Variants in LSS observed in about 807,000 individuals in gnomAD.
LSS encodes the protein lanosterol synthase.
In LSS, 90 loss-of-function variants were observed where a neutral mutation model predicts 110.3. The observed-to-expected ratio is 0.82, with a 90% CI of 0.69 to 0.97. The LOEUF (loss-of-function observed/expected upper bound fraction) is 0.97, where lower values mean the gene tolerates loss of function less well. LSS is among the 50% of genes least tolerant of loss of function. The pLI, the probability that LSS is intolerant of heterozygous loss-of-function variation, is 0.00. For synonymous variants in LSS, 433 were observed against 400.0 expected, an observed-to-expected ratio of 1.08 and a Z score of -0.98; for missense variants, 927 against 990.0, an observed-to-expected ratio of 0.94 and a Z score of 0.85.
intron 14 of LSS, among the ~76,000 whole-genome samples, 160 bp downstream of exon 14, chr21:46,208,091 C>CCATG (rs1396298920): frequency 6.6e-6 from 1 of 152,212 alleles, no homozygotes; most frequent in African/African-American, 2.4e-5. Flanking sequence ...CAACATGAAG[C>CCATG]ATGAGCCCCT....
In LSS at chr21:46,215,185, C is replaced by T. The variant is rs1351568036; in HGVS notation, c.1006G>A (p.Gly336Ser). Residue 336 changes from glycine (G) to serine (S), a missense_variant, in exon 9 of 22, where the codon GGC (glycine) becomes AGC (serine). Transcript: ENST00000397728. The stretch of plus-strand genomic sequence containing the variant: ...GGCCGGGCAGGGGCACTGACCGGGC[C>T]GATGCTGATGCTCTTGGTGAATCGG... ...DDRFTKSISI[G>S]PISKTINMLV... is the part of the protein sequence containing the mutation. 4.3e-6 allele frequency: 7 copies of T among 1,609,626 alleles called. No homozygotes were observed. The highest frequency in any genetic ancestry group is 1.7e-5 in the Admixed American group (1 of 60,004).
rs117330398 is a variant in LSS at position 46,207,176 on chromosome 21, G to A, written c.1467+252C>T. Among the ~76,000 whole-genome samples the A allele has an allele frequency of 0.011, 1,744 of 152,330 alleles. 24 individuals carry two copies. Among genetic ancestry groups the A allele is most frequent in the Non-Finnish European group, 0.017 (1,152 of 68,028 alleles). Reference sequence around the variant, plus strand: ...AGAGAGAAACCTTGGGGGCCACGCCGGCTCCCCCAAGTATCGGTGGCTGGG... The same window carrying A: ...AGAGAGAAACCTTGGGGGCCACGCCAGCTCCCCCAAGTATCGGTGGCTGGG... On this transcript the variant is annotated intron_variant, in intron 15 of 21. Coordinates refer to ENST00000397728, the MANE Select transcript of LSS (RefSeq NM_002340.6).
chr21:46,225,622 CCTGG>C (rs2080329050), intron 3 of LSS, among the ~76,000 whole-genome samples: 1 of 152,230 alleles, frequency 6.6e-6, no homozygotes, highest in Admixed American at 6.5e-5. Flanking sequence ...ACCCTGTACA[CCTGG>C]CTCTGCCTTT....
At chr21:46,224,118 C>T (rs1441887166) in intron 3 of LSS, among the ~76,000 whole-genome samples, 1 of 152,206 alleles carries the variant, frequency 6.6e-6, no homozygotes, top group East Asian at 1.9e-4. Flanking sequence ...TTCTAGATAG[C>T]AGTAGTCAAT....
intron 3 of LSS, among the ~76,000 whole-genome samples, chr21:46,225,055 G>T (rs542587689): frequency 1.3e-5 from 2 of 152,322 alleles, no homozygotes; most frequent in East Asian, 3.9e-4. Flanking sequence ...GCAAGAGACC[G>T]AGGGCACGAG....
intron 9 of LSS, among the ~76,000 whole-genome samples, chr21:46,214,620 C>A (rs531917428): frequency 2.6e-5 from 4 of 152,330 alleles, no homozygotes; most frequent in Admixed American, 6.5e-5. Flanking sequence ...GGCCTGCTGA[C>A]TCTGTCAGGA....
chr21:46,201,851 G>A (rs2079982197), intron 17 of LSS, among the ~76,000 whole-genome samples: 2 of 148,954 alleles, frequency 1.3e-5, no homozygotes, highest in South Asian at 4.3e-4. Flanking sequence ...AGGCTGGAGT[G>A]CAGTGGCACC....
chr21:46,202,583 C>T (rs1021256547), intron 17 of LSS, among the ~76,000 whole-genome samples: 2 of 151,920 alleles, frequency 1.3e-5, no homozygotes, highest in Non-Finnish European at 1.5e-5. Context: ...AAAAAACTTC[C>T]TGGTGAAAAT....
Position 46,228,614 on chromosome 21 carries a change from C to T in LSS, c.15-15G>A. The T allele has an allele frequency of 1.9e-6, 3 of 1,591,650 alleles. No homozygotes were observed. Among genetic ancestry groups the T allele is most frequent in the Non-Finnish European group, 2.6e-6 (3 of 1,175,798 alleles). ...GCCGCAGACACCTGAGGACCACCGGCCATCAGCGACCCAGGCCCCGCCCCA... is the reference window on the plus strand; with the variant it reads ...GCCGCAGACACCTGAGGACCACCGGTCATCAGCGACCCAGGCCCCGCCCCA... On this transcript the variant is annotated splice_polypyrimidine_tract_variant and intron_variant, in intron 1 of 21. Transcript: ENST00000397728.
chr21:46,218,985 G>A (rs537841442), intron 6 of LSS, among the ~76,000 whole-genome samples: 8 of 152,194 alleles, frequency 5.3e-5, no homozygotes, highest in Non-Finnish European at 7.4e-5. Flanking sequence ...TCGGCCTCCC[G>A]AAGTGCTGGG....
intron 3 of LSS, among the ~76,000 whole-genome samples, chr21:46,223,384 C>G (rs888868173): frequency 6.6e-6 from 1 of 152,134 alleles, no homozygotes; most frequent in Non-Finnish European, 1.5e-5. Context: ...CATGTGCCCC[C>G]AGAGCCTGGC....
intron 20 of LSS, among the ~76,000 whole-genome samples, chr21:46,194,068 G>T (rs1171528352): frequency 6.6e-6 from 1 of 152,122 alleles, no homozygotes; most frequent in Non-Finnish European, 1.5e-5. Flanking sequence ...ATGCGTCTGC[G>T]TGTGTGTGCA....
At position 46,228,697 on chromosome 21, in the gene LSS, C is replaced by T. The variant is rs200800418; in HGVS notation, c.14+35G>A. 2.6e-4 allele frequency: 411 copies of T among 1,602,638 alleles called. 2 individuals are homozygous for T. The highest frequency in any genetic ancestry group is 1.2e-3 in the Middle Eastern group (7 of 6,056). On this transcript the variant is annotated intron_variant, in intron 1 of 21. Coordinates refer to ENST00000397728, the MANE Select transcript of LSS (RefSeq NM_002340.6). ...CTCTCCTCAGCACCTAGGACCACCC[C>T]GCATTCGTCAGGAGCCCGGGGCGAG...
At chr21:46,207,647 C>T (rs560693587) in intron 14 of LSS, 70 bp from the exon 15 acceptor site, 115 of 1,515,604 alleles carry the variant, frequency 7.6e-5, no homozygotes, top group African/African-American at 5.2e-4. Flanking sequence ...TCCCCACAGC[C>T]GCACGCATCC....
chr21:46,227,285 A>G (rs1337077887), intron 3 of LSS: 1 of 450,102 alleles, frequency 2.2e-6, no homozygotes, highest in Non-Finnish European at 4.0e-6. Flanking sequence ...TTCAAAGCCC[A>G]CCTTCCTCCT....
chr21:46,209,586 G>A lies in LSS; in HGVS notation c.1234C>T (p.Gln412Ter). Reference sequence around the variant, plus strand: ...AGCCTCAGGAACTCATGAGCCTTCTGCAGGCAGGACGAAAACTCGGGCCTG... The same window carrying A: ...AGCCTCAGGAACTCATGAGCCTTCTACAGGCAGGACGAAAACTCGGGCCTG... Reference protein sequence around the residue: ...HHRPEFSSCLQKAHEFLRLSQ... With the variant: ...HHRPEFSSCL The change falls in exon 13 of 22, where the codon CAG becomes TAG. Residue 412 changes from glutamine (Q) to a stop codon, truncating the protein, a stop_gained. Coordinates refer to ENST00000397728, the MANE Select transcript of LSS (RefSeq NM_002340.6). LOFTEE classifies it high-confidence loss of function. This position sits in a 1 kb window ranked among gnomAD's most constrained non-coding sequence, Gnocchi z 4.4. 6.2e-7 allele frequency: 1 copy of A among 1,604,596 alleles called. No individual in the cohort carries two copies. The highest frequency in any genetic ancestry group is 8.5e-7 in the Non-Finnish European group (1 of 1,176,220).
Position 46,191,204 on chromosome 21 carries a change from C to A in LSS, c.2099G>T (p.Cys700Phe). The A allele has an allele frequency of 3.1e-6, 5 of 1,614,074 alleles. No individual in the cohort carries two copies. The highest frequency in any genetic ancestry group is 4.2e-6 in the Non-Finnish European group (5 of 1,180,008). ...ENIAGVFNKSCAISYTSYRNI... is the reference protein window; with the variant it reads ...ENIAGVFNKSFAISYTSYRNI... ...CCTGTAGCTCGTGTAGGAGATGGCACAGGACTTGTTGAAGACCCCAGCAAT... is the reference window on the plus strand; with the variant it reads ...CCTGTAGCTCGTGTAGGAGATGGCAAAGGACTTGTTGAAGACCCCAGCAAT... The change falls in exon 22 of 22, where the codon TGT becomes TTT. Residue 700 changes from cysteine to phenylalanine, a missense_variant. Coordinates refer to ENST00000397728, the MANE Select transcript of LSS (RefSeq NM_002340.6).
Position 46,215,543 on chromosome 21 carries a change from A to AGGGCGATGAGATCCCGCCCC in LSS, c.892+122_892+141dup. The AGGGCGATGAGATCCCGCCCC allele has an allele frequency of 7.8e-6, 5 of 639,436 alleles. No individual in the cohort carries two copies. The South Asian group carries it at 9.6e-5, about 12-fold the overall frequency. 39.6% of individuals were successfully genotyped at this position (639,436 alleles called of 1,614,324 possible). ...CAGCTGGTTCTCAGGGTGGAGGGGC[A>AGGGCGATGAGATCCCGCCCC]GGGCGATGAGATCCCGCCCCCTGGG... On this transcript the variant is annotated intron_variant, in intron 8 of 21. Transcript: ENST00000397728.
chr21:46,225,735 C>T (rs2080331226), intron 3 of LSS, among the ~76,000 whole-genome samples: 1 of 152,164 alleles, frequency 6.6e-6, no homozygotes, highest in South Asian at 2.1e-4. Context: ...CACTCTCTGC[C>T]TCGGCTGCCA....
Sources: allele counts gnomAD v4.1 joint callset (sites outside exome capture counted in the v4.1 genomes callset), GRCh38; gene constraint gnomAD v4.1.1; non-coding constraint Gnocchi (gnomAD v3.1); transcripts MANE v1.5; gene names NCBI Gene and HGNC (gene_info 2026-07-23, HGNC 2026-07-21).